PRKCB: variants seen among roughly 807,000 people sequenced by gnomAD.
PRKCB encodes protein kinase C beta, also known as protein kinase C beta type.
In PRKCB, 13 loss-of-function variants were observed where a neutral mutation model predicts 81.5. The ratio of observed to expected loss-of-function variants is 0.16; its 90% CI spans 0.10 to 0.25. PRKCB has a LOEUF of 0.25. Ranked by LOEUF, PRKCB falls within the 10% of genes least tolerant of loss-of-function variation. The pLI is 1.00. For synonymous variants in PRKCB, 335 were observed against 321.4 expected (o/e 1.04, Z -0.45); for missense variants, 509 against 875.7 (o/e 0.58, Z 5.29).
chr16:23,989,160 T>C (rs2141822092), intron 3 of PRKCB, among the ~76,000 whole-genome samples: 1 of 152,134 alleles, frequency 6.6e-6, no homozygotes, highest in East Asian at 1.9e-4. Flanking sequence ...AGAGACGGGG[T>C]TTCACCGTGT....
At chr16:24,002,708 A>G (rs2141831698) in intron 3 of PRKCB, among the ~76,000 whole-genome samples, 1 of 152,168 alleles carries the variant, frequency 6.6e-6, no homozygotes, top group Admixed American at 6.5e-5. Context: ...TGGGGTGGAG[A>G]AACAAACTTC....
intron 13 of PRKCB, among the ~76,000 whole-genome samples, chr16:24,182,966 C>T (rs1046291153): frequency 6.6e-6 from 1 of 151,102 alleles, no homozygotes. Flanking sequence ...ATGCCATTCT[C>T]CTGCCTCAGC....
intron 2 of PRKCB, among the ~76,000 whole-genome samples, chr16:23,932,919 G>T (rs1963998722): frequency 6.6e-6 from 1 of 152,190 alleles, no homozygotes; most frequent in South Asian, 2.1e-4. Context: ...AAGGGAATGG[G>T]TTACTGGAAT....
Position 24,113,784 on chromosome 16 carries a change from A to G in PRKCB, c.918+715A>G, listed in dbSNP as rs75582912. Among the ~76,000 whole-genome samples, 429 of 152,170 alleles carry G rather than the reference A, an allele frequency of 2.8e-3. 7 individuals carry two copies. The East Asian group carries it at 0.05, about 18-fold the overall frequency. On this transcript the variant is annotated intron_variant, in intron 8 of 16. Transcript: ENST00000643927. ...CTCTGATTAATCCTTCAAGACCCCA[A>G]TTAAATGCCCTTGCCTTATGAAGTT...
intron 9 of PRKCB, among the ~76,000 whole-genome samples, chr16:24,132,878 T>C (rs1373140916): frequency 6.6e-6 from 1 of 150,986 alleles, no homozygotes; most frequent in Non-Finnish European, 1.5e-5. Context: ...ACTCCTTGGC[T>C]CAAGTGATCT....
chr16:24,070,869 T>A (rs1294129550), intron 5 of PRKCB, among the ~76,000 whole-genome samples: 2 of 152,194 alleles, frequency 1.3e-5, no homozygotes, highest in Non-Finnish European at 2.9e-5. Flanking sequence ...GTAAAGCAAG[T>A]ACATATCTCT....
chr16:24,113,587 TTCTC>T (rs1046366356), intron 8 of PRKCB, among the ~76,000 whole-genome samples: 1 of 149,744 alleles, frequency 6.7e-6, no homozygotes, highest in Non-Finnish European at 1.5e-5. Flanking sequence ...TTTCTCCCCT[TTCTC>T]TCTCTCTTCC....
chr16:24,210,689 G>C (rs765794214), intron 16 of PRKCB, among the ~76,000 whole-genome samples: 9 of 151,856 alleles, frequency 5.9e-5, no homozygotes, highest in Admixed American at 1.3e-4. Context: ...TGGTAGAGAC[G>C]GGGTTTCACC....
chr16:24,153,942 C>G (rs778057633), intron 9 of PRKCB, among the ~76,000 whole-genome samples: 1 of 152,088 alleles, frequency 6.6e-6, no homozygotes, highest in Non-Finnish European at 1.5e-5. Flanking sequence ...GAACAAGTGC[C>G]CTAATTTTAG....
At chr16:24,064,985 GGT>G (rs921648314) in intron 5 of PRKCB, among the ~76,000 whole-genome samples, 1 of 146,542 alleles carries the variant, frequency 6.8e-6, no homozygotes, top group Non-Finnish European at 1.5e-5. Context: ...AATGTTTTAT[GGT>G]GTGTGTGTAT....
intron 2 of PRKCB, among the ~76,000 whole-genome samples, chr16:23,910,655 TTG>T (rs57478361): frequency 0.078 from 11,945 of 152,256 alleles, 563 homozygotes; most frequent in Middle Eastern, 0.18. Context: ...AATGTTTTAA[TTG>T]AGATAAAATT....
At chr16:24,186,624 T>C (rs1299440065) in intron 15 of PRKCB, among the ~76,000 whole-genome samples, 3 of 152,242 alleles carry the variant, frequency 2.0e-5, no homozygotes, top group Non-Finnish European at 4.4e-5. Context: ...GCTTGCAGAC[T>C]TTTCATGCCC....
chr16:23,924,235 A>G (rs1031081473), intron 2 of PRKCB, among the ~76,000 whole-genome samples: 1 of 152,012 alleles, frequency 6.6e-6, no homozygotes, highest in Non-Finnish European at 1.5e-5. Context: ...GCCATGTGAG[A>G]AGGTCCAAGC....
At chr16:23,926,126 C>G (rs1407699144) in intron 2 of PRKCB, among the ~76,000 whole-genome samples, 4 of 151,850 alleles carry the variant, frequency 2.6e-5, no homozygotes, top group African/African-American at 9.7e-5. Flanking sequence ...ATTAAATTAG[C>G]CAGGCATCGT....
At chr16:24,074,746 GGAA>G (rs1339750910) in intron 5 of PRKCB, among the ~76,000 whole-genome samples, 1 of 152,120 alleles carries the variant, frequency 6.6e-6, no homozygotes, top group Non-Finnish European at 1.5e-5. Flanking sequence ...AGGAGGGGAG[GGAA>G]ATCTGTAAGG....
intron 9 of PRKCB, among the ~76,000 whole-genome samples, chr16:24,147,931 CT>C (rs1485606119): frequency 1.3e-5 from 2 of 152,142 alleles, no homozygotes; most frequent in African/African-American, 2.4e-5. Context: ...CAACGTTGCC[CT>C]TTTTTTCCTT....
At chr16:24,143,840 G>C (rs1262715503) in intron 9 of PRKCB, among the ~76,000 whole-genome samples, 1 of 152,172 alleles carries the variant, frequency 6.6e-6, no homozygotes, top group Non-Finnish European at 1.5e-5. Context: ...CCCAATCACT[G>C]TTTGTTAGTC....
intron 2 of PRKCB, among the ~76,000 whole-genome samples, chr16:23,884,326 A>G (rs1050404182): frequency 1.3e-5 from 2 of 152,260 alleles, no homozygotes; most frequent in Non-Finnish European, 2.9e-5. Flanking sequence ...CACATCATAT[A>G]CATGGGGACA....
chr16:23,875,502 T>TCACACACGTGTATATCACACAC (rs1209313131), intron 2 of PRKCB, among the ~76,000 whole-genome samples: 365 of 22,020 alleles, frequency 0.017, 16 homozygotes, highest in Non-Finnish European at 0.036. Context: ...TATATATATA[T>TCACACACGTGTATATCACACAC]ATATGATGTA....
Sources: allele counts gnomAD v4.1 joint callset (sites outside exome capture counted in the v4.1 genomes callset), GRCh38; gene constraint gnomAD v4.1.1; transcripts MANE v1.5; gene names NCBI Gene and HGNC (gene_info 2026-07-23, HGNC 2026-07-21).